ATP2A2: variants seen among roughly 807,000 people sequenced by gnomAD.
The protein encoded by ATP2A2 is ATPase sarcoplasmic/endoplasmic reticulum Ca2+ transporting 2, also known as sarcoplasmic/endoplasmic reticulum calcium ATPase 2.
Under a neutral mutation model 109.3 loss-of-function variants are expected in ATP2A2, and 14 were observed. The ratio of observed to expected loss-of-function variants is 0.13; its 90% CI spans 0.08 to 0.20. ATP2A2 has a LOEUF of 0.20. Among genes scored for constraint, ATP2A2 ranks in the 10% least tolerant of loss-of-function variants. The pLI, the probability that ATP2A2 is intolerant of heterozygous loss-of-function variation, is 1.00. For synonymous variants in ATP2A2, 506 were observed against 490.9 expected (o/e 1.03, Z -0.41); for missense variants, 657 against 1,321.6 (o/e 0.50, Z 7.80).
rs1265629096 is a variant in ATP2A2 at position 110,282,753 on chromosome 12, C to T, written c.177C>T (p.Asp59=). 6.2e-7 allele frequency: 1 copy of T among 1,614,036 alleles called. No homozygotes were observed. The highest frequency in any genetic ancestry group is 8.5e-7 in the Non-Finnish European group (1 of 1,179,998). Residue 59 remains aspartate, a synonymous_variant, in exon 3 of 20, where the codon GAC becomes GAT. Coordinates refer to ENST00000539276, the MANE Select transcript of ATP2A2 (RefSeq NM_170665.4). ...LLELVIEQFE[D]LLVRILLLAA... is the part of the protein sequence containing the mutation. ...AACTTGTGATTGAGCAGTTTGAAGA[C>T]TTGCTAGTTAGGATTTTATTACTGG... is the stretch of plus-strand genomic sequence containing the variant.
rs1364992399 is a variant in ATP2A2, at chr12:110,347,033, CACCTCTCCCCACCTT to C, written c.*567_*581del. 2.8e-6 allele frequency: 3 copies of C among 1,054,478 alleles called. No individual in the cohort carries two copies. The highest frequency in any genetic ancestry group is 3.4e-6 in the Non-Finnish European group (3 of 871,732). The allele number at this position is 1,054,478 out of a possible 1,614,324, so 65.3% of individuals were successfully genotyped here. On this transcript the variant is annotated 3_prime_UTR_variant, in exon 20 of 20. Transcript: ENST00000539276. ...GGCCTCCGTTCACCCCACCCCACCC[CACCTCTCCCCACCTT>C]ACCCCCGCCCCGCTTGGCTTCTTCT... is the stretch of plus-strand genomic sequence containing the variant.
In ATP2A2 at chr12:110,285,651, C is replaced by T. The variant is rs575167523; in HGVS notation, c.219+2856C>T. On this transcript the variant is annotated intron_variant, in intron 3 of 19. Coordinates refer to ENST00000539276, the MANE Select transcript of ATP2A2 (RefSeq NM_170665.4). Reference sequence around the variant, plus strand: ...TCCGGAAAGTTCTTGAGGAAGGTGACATTTGCGAAAAGATCTGAAGGAGGT... The same window carrying T: ...TCCGGAAAGTTCTTGAGGAAGGTGATATTTGCGAAAAGATCTGAAGGAGGT... Among the ~76,000 whole-genome samples, 3 of 152,276 alleles carry T rather than the reference C, an allele frequency of 2.0e-5. 1 individual carries two copies. In the South Asian group the frequency reaches 6.2e-4, roughly 32 times the overall value.
Position 110,349,116 on chromosome 12 carries a change from TGG to T in ATP2A2, c.*2648_*2649del. On this transcript the variant is annotated 3_prime_UTR_variant, in exon 20 of 20. Coordinates refer to ENST00000539276, the MANE Select transcript of ATP2A2 (RefSeq NM_170665.4). ...TTCCCTTGGTCCAGACAGCTGGGAGTGGGTTAGGCCCACTGCTGTTTTGAGCA... is the reference window on the plus strand; with the variant it reads ...TTCCCTTGGTCCAGACAGCTGGGAGTGTTAGGCCCACTGCTGTTTTGAGCA... 1 of 985,188 alleles carries T rather than the reference TGG, an allele frequency of 1.0e-6. No individual in the cohort carries two copies. The highest frequency in any genetic ancestry group is 1.2e-6 in the Non-Finnish European group (1 of 829,902). The allele number at this position is 985,188 out of a possible 1,614,324, so 61.0% of individuals were successfully genotyped here.
chr12:110,331,363 C>G (rs775969894), intron 8 of ATP2A2: 1 of 152,136 alleles, frequency 6.6e-6, no homozygotes, highest in East Asian at 1.9e-4. Flanking sequence ...GCTGTTATTA[C>G]GGAGTTTTGC....
At chr12:110,315,443 G>A (rs1876562848) in intron 5 of ATP2A2, among the ~76,000 whole-genome samples, 1 of 152,078 alleles carries the variant, frequency 6.6e-6, no homozygotes, top group Non-Finnish European at 1.5e-5. Flanking sequence ...AATATATTTT[G>A]TCTGTTGTGT....
chr12:110,346,375 G>A lies in ATP2A2; in HGVS notation c.3034G>A (p.Asp1012Asn), dbSNP rs1005555541. The A allele has an allele frequency of 8.7e-6, 14 of 1,614,160 alleles. No individual in the cohort carries two copies. Among genetic ancestry groups the A allele is most frequent in the East Asian group, 2.2e-5 (1 of 44,894 alleles). ...ATCCTGCTCGTTCTCGGCATGCACC[G>A]ATGGGATTTCCTGGCCGTTTGTGCT... ...TKSCSFSACT[D>N]GISWPFVLLI... Residue 1012 changes from aspartate to asparagine, a missense_variant, in exon 20 of 20, where the codon GAT (aspartate) becomes AAT (asparagine). Asp to Asn is a conservative substitution (Grantham distance 23). Transcript: ENST00000539276.
At chr12:110,307,477 T>G (rs1020332558) in intron 5 of ATP2A2, among the ~76,000 whole-genome samples, 3 of 151,870 alleles carry the variant, frequency 2.0e-5, no homozygotes, top group African/African-American at 7.3e-5. Context: ...CCAGTGATCC[T>G]CCCACCTCAG....
intron 5 of ATP2A2, among the ~76,000 whole-genome samples, chr12:110,322,450 C>T (rs989389999): frequency 2.0e-5 from 3 of 151,670 alleles, no homozygotes; most frequent in Non-Finnish European, 2.9e-5. Context: ...TCTCTACATC[C>T]TGGGTGACAG....
At chr12:110,294,478 G>A (rs1873745848) in intron 4 of ATP2A2, among the ~76,000 whole-genome samples, 1 of 152,198 alleles carries the variant, frequency 6.6e-6, no homozygotes, top group Admixed American at 6.5e-5. Context: ...TGGCCAACAT[G>A]GCAAGTCCCC....
chr12:110,326,565 A>T, intron 7 of ATP2A2, 90 bp downstream of exon 7: 1 of 1,186,938 alleles, frequency 8.4e-7, no homozygotes, highest in Non-Finnish European at 1.2e-6. Context: ...ATCACTGGCT[A>T]TCATTCTAAA....
rs143229439 is a variant in ATP2A2, at chr12:110,327,495, G to A, written c.631-58G>A. ...GGTGCCCTAGTCAAAAACCAGCGTC[G>A]GTATTTAAGTTGGGATGTGGTATTC... On this transcript the variant is annotated intron_variant, in intron 7 of 19. Transcript: ENST00000539276. The surrounding 1 kb of genome is among the most constrained non-coding windows in gnomAD (Gnocchi z 4.4). The A allele has an allele frequency of 1.1e-3, 1,693 of 1,521,418 alleles. 16 individuals carry two copies. The African/African-American group carries it at 0.02, about 18-fold the overall frequency. 94.2% of individuals were successfully genotyped at this position (1,521,418 alleles called of 1,614,324 possible). A position where few individuals can be genotyped will look rare whatever the true frequency, so the allele number is the denominator to read the frequency against.
At chr12:110,283,144 A>G (rs1335904423) in intron 3 of ATP2A2, among the ~76,000 whole-genome samples, 1 of 152,214 alleles carries the variant, frequency 6.6e-6, no homozygotes, top group African/African-American at 2.4e-5. Flanking sequence ...GTAAGATCAT[A>G]CTAAGATGAT....
At position 110,293,864 on chromosome 12, in the gene ATP2A2, G is replaced by GTA. The variant is rs1566204008; in HGVS notation, c.324+1746_324+1747dup. Among the ~76,000 whole-genome samples, 23 of 84,862 alleles carry GTA rather than the reference G, an allele frequency of 2.7e-4. 1 individual carries two copies. The highest frequency in any genetic ancestry group is 7.7e-4 in the African/African-American group (12 of 15,596). 55.7% of individuals were successfully genotyped at this position (84,862 alleles called of 152,430 possible). A position where few individuals can be genotyped will look rare whatever the true frequency, so the allele number is the denominator to read the frequency against. On this transcript the variant is annotated intron_variant, in intron 4 of 19. Transcript: ENST00000539276. ...TGTGTGTGTGTGTGTGTGTGTGTGT[G>GTA]TATATATTTTTTTTTTTTTTTTTTT...
intron 6 of ATP2A2, 77 bp from the exon 7 acceptor site, chr12:110,326,313 G>C: frequency 7.7e-7 from 1 of 1,305,318 alleles, no homozygotes; most frequent in Non-Finnish European, 1.1e-6. Context: ...GTGGTAATGG[G>C]TGGGCATGAA....
At position 110,342,426 on chromosome 12, in the gene ATP2A2, T is replaced by TC; in HGVS notation, c.2298dup (p.Asn767GlnfsTer46). ...ACAGTTCATCCGCTACCTCATCTCG[T>TC]CCAACGTCGGGGAAGTTGTCTGGTA... On this transcript the variant is annotated frameshift_variant, in exon 15 of 20. Transcript: ENST00000539276. LOFTEE classifies it high-confidence loss of function. The surrounding 1 kb of genome is among the most constrained non-coding windows in gnomAD (Gnocchi z 4.6). The TC allele has an allele frequency of 6.2e-7, 1 of 1,613,838 alleles. No individual in the cohort carries two copies. The highest frequency in any genetic ancestry group is 8.5e-7 in the Non-Finnish European group (1 of 1,180,016).
intron 8 of ATP2A2, chr12:110,332,348 A>G: frequency 2.0e-6 from 1 of 500,042 alleles, no homozygotes; most frequent in South Asian, 2.1e-5. Context: ...TCAGCACCTC[A>G]GTGATGCTGT....
chr12:110,343,193 T>C (rs1879519661), intron 15 of ATP2A2, 39 bp from the exon 16 acceptor site: 1 of 1,599,704 alleles, frequency 6.3e-7, no homozygotes, highest in African/African-American at 1.3e-5. Context: ...CCAGAAGTCA[T>C]TTGGGCTCTC....
intron 5 of ATP2A2, among the ~76,000 whole-genome samples, chr12:110,307,032 T>G (rs1875419288): frequency 6.6e-6 from 1 of 151,972 alleles, no homozygotes; most frequent in Admixed American, 6.6e-5. Flanking sequence ...GTGCTGAGAT[T>G]ACAGGTGTGA....
Position 110,348,884 on chromosome 12 carries a change from C to A in ATP2A2, c.*2414C>A, listed in dbSNP as rs2137884212. On this transcript the variant is annotated 3_prime_UTR_variant, in exon 20 of 20. Coordinates refer to ENST00000539276, the MANE Select transcript of ATP2A2 (RefSeq NM_170665.4). ...TGGGCCAAATGCAAGGAGTGCATCT[C>A]TGGGCTGCAAACTGACTTGAGTGCT... The A allele has an allele frequency of 1.0e-6, 1 of 985,436 alleles. No individual in the cohort carries two copies. The highest frequency in any genetic ancestry group is 1.1e-4 in the East Asian group (1 of 8,812). 61.0% of individuals were successfully genotyped at this position (985,436 alleles called of 1,614,324 possible). A position where few individuals can be genotyped will look rare whatever the true frequency, so the allele number is the denominator to read the frequency against.
Sources: gnomAD v4.1 joint callset for allele counts (sites outside exome capture counted in the v4.1 genomes callset) on GRCh38, gnomAD v4.1.1 for gene constraint, Gnocchi (gnomAD v3.1) non-coding constraint, MANE v1.5 for transcripts, NCBI Gene and HGNC (gene_info 2026-07-23, HGNC 2026-07-21) for gene names.